Variants in NOP58 observed in about 807,000 individuals in gnomAD.
The protein encoded by NOP58 is nucleolar protein 58.
NOP58 carries 44 observed loss-of-function variants against 71.2 expected under a neutral mutation model. That is an observed-to-expected ratio of 0.62 (90% CI 0.49 to 0.79). NOP58 has a LOEUF of 0.79. Ranked by LOEUF, NOP58 falls within the 30% of genes least tolerant of loss-of-function variation. The probability of loss-of-function intolerance (pLI) is 0.00; values close to 1 mark genes in which losing one functional copy is unlikely to be tolerated. For synonymous variants in NOP58, 228 were observed against 200.3 expected, an observed-to-expected ratio of 1.14 and a Z score of -1.17; for missense variants, 538 against 620.2, an observed-to-expected ratio of 0.87 and a Z score of 1.41.
rs757000307 is a variant in NOP58, at chr2:202,300,329, C to T, written c.1364C>T (p.Thr455Ile). ...CAGGTAGATAAAGAGGATGAAATTA[C>T]TGAAAAGAAAGCCAAAAAAGCCAAG... Reference protein sequence around the residue: ...IEQVDKEDEITEKKAKKAKIK... With the variant: ...IEQVDKEDEIIEKKAKKAKIK... Residue 455 changes from threonine (T) to isoleucine (I), a missense_variant, in exon 13 of 15, where the codon ACT (threonine) becomes ATT (isoleucine). By Grantham distance (89) the Thr-to-Ile change is moderately conservative. Coordinates refer to ENST00000264279, the MANE Select transcript of NOP58 (RefSeq NM_015934.5). 4.4e-6 allele frequency: 7 copies of T among 1,593,850 alleles called. No homozygotes were observed. In the East Asian group the frequency reaches 1.4e-4, roughly 31 times the overall value.
intron 2 of NOP58, chr2:202,276,402 G>C (rs751891929): frequency 2.2e-6 from 1 of 455,806 alleles, no homozygotes; most frequent in Non-Finnish European, 4.6e-6. Context: ...CCTTCTTAAA[G>C]GGTTATATGC....
chr2:202,287,139 G>A (rs998951885), intron 5 of NOP58, among the ~76,000 whole-genome samples: 6 of 145,232 alleles, frequency 4.1e-5, no homozygotes, highest in African/African-American at 1.0e-4. Context: ...ACGTGATCTC[G>A]GCTCACTGCA....
At chr2:202,284,246 C>G (rs1300813193) in intron 4 of NOP58, 99 bp from the exon 5 acceptor site, 5 of 1,002,870 alleles carry the variant, frequency 5.0e-6, no homozygotes, top group Non-Finnish European at 7.1e-6. Flanking sequence ...GCACTCCAGC[C>G]TGGGCGACAG....
At chr2:202,289,548 G>C (rs1196108206) in intron 6 of NOP58, among the ~76,000 whole-genome samples, 1 of 152,190 alleles carries the variant, frequency 6.6e-6, no homozygotes, top group Non-Finnish European at 1.5e-5. Context: ...ATACGTGTTT[G>C]CAAATACTCT....
chr2:202,291,577 CAGGGATTGACCTG>C (rs1233035538), intron 8 of NOP58, among the ~76,000 whole-genome samples: 2 of 152,068 alleles, frequency 1.3e-5, no homozygotes, highest in Non-Finnish European at 2.9e-5. Context: ...AAGGCCGAGT[CAGGGATTGACCTG>C]AGGTCAGGAG....
In NOP58 at chr2:202,267,373, T is replaced by C. The variant is rs1257844960; in HGVS notation, c.45+1387T>C. On this transcript the variant is annotated intron_variant, in intron 1 of 14. Coordinates refer to ENST00000264279, the MANE Select transcript of NOP58 (RefSeq NM_015934.5). Reference sequence around the variant, plus strand: ...GACATTTGAAAATACGCAGTTTGCATTTGATACGTCAAATGTTATTTTTAA... The same window carrying C: ...GACATTTGAAAATACGCAGTTTGCACTTGATACGTCAAATGTTATTTTTAA... Among the ~76,000 whole-genome samples the C allele has an allele frequency of 5.3e-5, 8 of 152,172 alleles. No homozygotes were observed. In the East Asian group the frequency reaches 1.3e-3, roughly 26 times the overall value.
chr2:202,277,655 T>A (rs1688626788), intron 2 of NOP58, among the ~76,000 whole-genome samples: 1 of 152,212 alleles, frequency 6.6e-6, no homozygotes. Flanking sequence ...GTCATCTCTG[T>A]ACAGCTTTAT....
chr2:202,270,712 T>C lies in NOP58; in HGVS notation c.46-4401T>C, dbSNP rs376400998. On this transcript the variant is annotated intron_variant, in intron 1 of 14. Coordinates refer to ENST00000264279, the MANE Select transcript of NOP58 (RefSeq NM_015934.5). Reference sequence around the variant, plus strand: ...CTGCAGTGAGCTGTGATTGAGCCTCTGCACTTTAGCCTGGACAACAGAGTG... The same window carrying C: ...CTGCAGTGAGCTGTGATTGAGCCTCCGCACTTTAGCCTGGACAACAGAGTG... Among the ~76,000 whole-genome samples the C allele has an allele frequency of 3.2e-3, 492 of 152,272 alleles. 1 individual carries two copies. Among genetic ancestry groups the C allele is most frequent in the African/African-American group, 0.011 (470 of 41,558 alleles).
In NOP58 at chr2:202,290,443, G is replaced by T; in HGVS notation, c.620G>T (p.Cys207Phe). The T allele has an allele frequency of 6.2e-7, 1 of 1,608,816 alleles. No homozygotes were observed. Residue 207 changes from cysteine (C) to phenylalanine (F), a missense_variant, in exon 7 of 15, where the codon TGT (cysteine) becomes TTT (phenylalanine). By Grantham distance (205) the Cys-to-Phe change is radical. Transcript: ENST00000264279. ...TCAGATAATTTAACATACTGCAAGT[G>T]TTTACAGAAAGTTGGTGAGTAATTT... Reference protein sequence around the residue: ...IISDNLTYCKCLQKVGDRKNY... With the variant: ...IISDNLTYCKFLQKVGDRKNY...
At chr2:202,301,205 G>C (rs1036734964) in intron 13 of NOP58, among the ~76,000 whole-genome samples, 1 of 151,312 alleles carries the variant, frequency 6.6e-6, no homozygotes, top group African/African-American at 2.4e-5. Context: ...TTACCCCCAA[G>C]ACAGAATCTT....
At chr2:202,270,221 T>C (rs965059606) in intron 1 of NOP58, among the ~76,000 whole-genome samples, 1 of 152,218 alleles carries the variant, frequency 6.6e-6, no homozygotes, top group African/African-American at 2.4e-5. Flanking sequence ...TCAGCTTTCT[T>C]TTTGCATAAT....
At chr2:202,269,662 A>C (rs1270566824) in intron 1 of NOP58, among the ~76,000 whole-genome samples, 2 of 152,114 alleles carry the variant, frequency 1.3e-5, no homozygotes, top group African/African-American at 2.4e-5. Context: ...CAATCAGTTG[A>C]ACCTAGGAGC....
rs375882631 is a variant in NOP58 at position 202,293,007 on chromosome 2, A to G, written c.907+104A>G. The G allele has an allele frequency of 6.5e-6, 8 of 1,223,292 alleles. No homozygotes were observed. The East Asian group carries it at 1.6e-4, about 25-fold the overall frequency. The allele number at this position is 1,223,292 out of a possible 1,614,324, so 75.8% of individuals were successfully genotyped here. On this transcript the variant is annotated intron_variant, in intron 9 of 14. Coordinates refer to ENST00000264279, the MANE Select transcript of NOP58 (RefSeq NM_015934.5). ...ACAGCTGTTAAAGAAATTTTAGCTG[A>G]TAACACAAAAGTAGATGATATGTGG...
chr2:202,271,930 C>T (rs76079081), intron 1 of NOP58, among the ~76,000 whole-genome samples: 6,034 of 152,156 alleles, frequency 0.04, 433 homozygotes, highest in African/African-American at 0.14. Flanking sequence ...GACAACAAAG[C>T]GAGACCCTGT....
rs549392206 is a variant in NOP58, at chr2:202,303,625, T to C, written c.*189T>C. 12 of 566,114 alleles carry C rather than the reference T, an allele frequency of 2.1e-5. No homozygotes were observed. In the South Asian group the frequency reaches 6.5e-4, roughly 31 times the overall value. The allele number at this position is 566,114 out of a possible 1,614,324, so 35.1% of individuals were successfully genotyped here. On this transcript the variant is annotated 3_prime_UTR_variant, in exon 15 of 15. Transcript: ENST00000264279. ...AACCTTATGTCATCATTTCTTAGAG[T>C]CTTTGATATACAAATAAAATTTTCT...
intron 1 of NOP58, among the ~76,000 whole-genome samples, chr2:202,269,830 G>C (rs78433375): frequency 2.3e-4 from 35 of 152,350 alleles, no homozygotes; most frequent in African/African-American, 7.9e-4. Flanking sequence ...GCTCATACCA[G>C]ACTTCCTTCA....
At chr2:202,286,031 A>G (rs557044100) in intron 5 of NOP58, among the ~76,000 whole-genome samples, 25 of 152,070 alleles carry the variant, frequency 1.6e-4, no homozygotes, top group Middle Eastern at 3.4e-3. Flanking sequence ...AAATACAAAA[A>G]ATTAGCCGGG....
At chr2:202,297,266 G>C in intron 10 of NOP58, 113 bp from the exon 11 acceptor site, 2 of 938,166 alleles carry the variant, frequency 2.1e-6, no homozygotes, top group Non-Finnish European at 3.1e-6. Context: ...TACGATGGAT[G>C]ATTTGAATTG....
Position 202,291,968 on chromosome 2 carries a change from CTTTTTTTTTTTTTTTTTT to C in NOP58, c.780+717_780+734del, listed in dbSNP as rs869075798. 6.2e-3 allele frequency among the ~76,000 whole-genome samples: 273 copies of C among 43,962 alleles called. 3 individuals are homozygous for C. Among genetic ancestry groups the C allele is most frequent in the African/African-American group, 0.021 (219 of 10,662 alleles). The allele number at this position is 43,962 out of a possible 152,430, so 28.8% of individuals were successfully genotyped here. A position where few individuals can be genotyped will look rare whatever the true frequency, so the allele number is the denominator to read the frequency against. On this transcript the variant is annotated intron_variant, in intron 8 of 14. Transcript: ENST00000264279. ...GATACAAATGTTTATTGCTCAGAAT[CTTTTTTTTTTTTTTTTTT>C]TTTTTTTTTTTTTTTTTTGAGACAG...
Sources: gnomAD v4.1 joint callset for allele counts (sites outside exome capture counted in the v4.1 genomes callset) on GRCh38, gnomAD v4.1.1 for gene constraint, MANE v1.5 for transcripts, NCBI Gene and HGNC (gene_info 2026-07-23, HGNC 2026-07-21) for gene names.